The following C11orf65 variants were observed in gnomAD, a reference collection of about 807,000 sequenced individuals.
C11orf65 encodes protein MFI.
In C11orf65, 38 loss-of-function variants were observed where a neutral mutation model predicts 35.3. The ratio of observed to expected loss-of-function variants is 1.08; its 90% CI spans 0.83 to 1.41. The LOEUF (loss-of-function observed/expected upper bound fraction) is 1.41, where lower values mean the gene tolerates loss of function less well. Among genes scored for constraint, C11orf65 ranks in the 40% most tolerant of loss-of-function variants. The pLI is 0.00. For missense variants in C11orf65, 370 were observed against 367.1 expected (o/e 1.01, Z -0.06); for synonymous variants, 105 against 114.4 (o/e 0.92, Z 0.53).
intron 2 of C11orf65, among the ~76,000 whole-genome samples, chr11:108,348,932 A>G (rs1026181342): frequency 5.3e-5 from 8 of 152,146 alleles, no homozygotes; most frequent in African/African-American, 1.9e-4. Flanking sequence ...CATCATCACT[A>G]TTATCCCCCT....
chr11:108,375,033 G>A (rs1189893456), intron 2 of C11orf65, among the ~76,000 whole-genome samples: 3 of 152,184 alleles, frequency 2.0e-5, no homozygotes, highest in Non-Finnish European at 4.4e-5. Context: ...AAAGTGATGG[G>A]GAGAATGGAA....
At chr11:108,362,868 G>A (rs1411061127) in intron 2 of C11orf65, among the ~76,000 whole-genome samples, 1 of 151,320 alleles carries the variant, frequency 6.6e-6, no homozygotes, top group Non-Finnish European at 1.5e-5. Context: ...GTTAGTGGGT[G>A]CAGCGCACCA....
intron 3 of C11orf65, among the ~76,000 whole-genome samples, chr11:108,430,207 A>T (rs1299998236): frequency 6.7e-6 from 1 of 148,624 alleles, no homozygotes; most frequent in Non-Finnish European, 1.5e-5. Context: ...CTGCTCACTG[A>T]AAGCTCCGCC....
chr11:108,407,487 T>A (rs2092564080), intron 3 of C11orf65, among the ~76,000 whole-genome samples: 1 of 147,422 alleles, frequency 6.8e-6, no homozygotes, highest in African/African-American at 2.5e-5. Context: ...AATTTTGTAT[T>A]TTTTTTTTTT....
At position 108,325,521 on chromosome 11, in the gene C11orf65, G is replaced by C. The variant is rs587781674; in HGVS notation, c.641-16450C>G. 1 of 1,610,182 alleles carries C rather than the reference G, an allele frequency of 6.2e-7. No individual in the cohort carries two copies. Among genetic ancestry groups the C allele is most frequent in the African/African-American group, 1.3e-5 (1 of 74,790 alleles). On this transcript the variant is annotated intron_variant, in intron 6 of 6. Coordinates refer to the C11orf65 transcript ENST00000525729. ...ACACCTTGTAGAACTCTCTATACTG[G>C]CCAGAACTTTCAAGAACACTCAGGT...
Position 108,325,639 on chromosome 11 carries a change from GAGAT to G in C11orf65, c.641-16572_641-16569del, listed in dbSNP as rs2085601171. On this transcript the variant is annotated intron_variant, in intron 6 of 6. Coordinates refer to the C11orf65 transcript ENST00000525729. ...CTGAGGGAAAAAGAAATGTCATTAA[GAGAT>G]AGAGATCTCTATTAATATATAGTAA... 5.8e-6 allele frequency: 6 copies of G among 1,041,680 alleles called. No individual in the cohort carries two copies. In the East Asian group the frequency reaches 1.5e-4, roughly 27 times the overall value. 64.5% of individuals were successfully genotyped at this position (1,041,680 alleles called of 1,614,324 possible).
At chr11:108,309,697 T>A (rs970980636) in intron 6 of C11orf65, among the ~76,000 whole-genome samples, 3 of 152,184 alleles carry the variant, frequency 2.0e-5, no homozygotes, top group Non-Finnish European at 2.9e-5. Flanking sequence ...ACCTAGGCAA[T>A]ACATTAAGGA....
At chr11:108,445,518 G>C (rs1385035346) in intron 2 of C11orf65, among the ~76,000 whole-genome samples, 1 of 152,170 alleles carries the variant, frequency 6.6e-6, no homozygotes, top group East Asian at 1.9e-4. Flanking sequence ...ACAGGGTCTG[G>C]AGTGGACCTC....
chr11:108,358,353 C>T (rs1489998419), intron 2 of C11orf65, among the ~76,000 whole-genome samples: 1 of 143,852 alleles, frequency 7.0e-6, no homozygotes, highest in East Asian at 2.1e-4. Context: ...AGAATGGAAC[C>T]AAGTTGGAAA....
At chr11:108,380,182 A>T (rs553041933), downstream of C11orf65, among the ~76,000 whole-genome samples, 5 of 152,316 alleles carry the variant, frequency 3.3e-5, no homozygotes, top group South Asian at 1.0e-3. Flanking sequence ...GAGTTGGCTC[A>T]AGCTAAAACT....
Position 108,335,960 on chromosome 11 carries a change from A to G in C11orf65, c.227-668T>C, listed in dbSNP as rs1555128635. ...AGGAAATTAACTATCTGTACTTATA[A>G]GGTAACTATTTGTACTTCTGTTAGT... On this transcript the variant is annotated intron_variant, in intron 2 of 3. Coordinates refer to the C11orf65 transcript ENST00000524755. 2 of 1,599,028 alleles carry G rather than the reference A, an allele frequency of 1.3e-6. No homozygotes were observed. Among genetic ancestry groups the G allele is most frequent in the Non-Finnish European group, 1.7e-6 (2 of 1,166,388 alleles).
chr11:108,347,688 G>A (rs2088623918), intron 2 of C11orf65, among the ~76,000 whole-genome samples: 1 of 152,128 alleles, frequency 6.6e-6, no homozygotes, highest in African/African-American at 2.4e-5. Context: ...ATTTTAAGAT[G>A]TAGCATGTTG....
intron 2 of C11orf65, among the ~76,000 whole-genome samples, chr11:108,453,450 A>G (rs2093376565): frequency 6.6e-6 from 1 of 152,158 alleles, no homozygotes; most frequent in Admixed American, 6.6e-5. Flanking sequence ...ATTAAAAGAC[A>G]AAGATTATTT....
upstream of C11orf65, among the ~76,000 whole-genome samples, chr11:108,468,627 A>G (rs1565741037): frequency 6.6e-6 from 1 of 152,244 alleles, no homozygotes; most frequent in Non-Finnish European, 1.5e-5. Context: ...TCAGTGACTC[A>G]CTGAACTTCC....
chr11:108,357,566 T>C lies in C11orf65; in HGVS notation c.227-22274A>G, dbSNP rs374489691. Among the ~76,000 whole-genome samples the C allele has an allele frequency of 6.0e-4, 91 of 151,946 alleles. 2 individuals are homozygous for C. In the South Asian group the frequency reaches 7.9e-3, roughly 13 times the overall value. On this transcript the variant is annotated intron_variant, in intron 2 of 3. Transcript: ENST00000524755. ...CCCTGTCTGACAGCTTTGAAGAGAG[T>C]AGTGGTTCTCCCAGCACGCAGCTGG...
intron 6 of C11orf65, chr11:108,315,776 A>T (rs755604182): frequency 6.3e-5 from 93 of 1,485,258 alleles, no homozygotes; most frequent in Non-Finnish European, 8.2e-5. Flanking sequence ...AAATTTATAG[A>T]CCGATTTTTT....
chr11:108,352,073 T>TA (rs2089274438), intron 2 of C11orf65, among the ~76,000 whole-genome samples: 1 of 152,128 alleles, frequency 6.6e-6, no homozygotes, highest in Non-Finnish European at 1.5e-5. Flanking sequence ...TTAAGGAAGA[T>TA]CCTGAGTCTC....
intron 2 of C11orf65, among the ~76,000 whole-genome samples, chr11:108,435,702 T>C (rs1425249608): frequency 2.6e-5 from 4 of 152,228 alleles, no homozygotes; most frequent in African/African-American, 9.6e-5. Flanking sequence ...AAACAGGTAG[T>C]ATCTATGAGT....
At chr11:108,438,536 G>C (rs116293183) in intron 2 of C11orf65, among the ~76,000 whole-genome samples, 486 of 149,118 alleles carry the variant, frequency 3.3e-3, no homozygotes, top group African/African-American at 0.012. Context: ...GGGCAACAAA[G>C]CAAGATTTCG....
Sources: allele counts gnomAD v4.1 joint callset (sites outside exome capture counted in the v4.1 genomes callset), GRCh38; gene constraint gnomAD v4.1.1; transcripts MANE v1.5; gene names NCBI Gene and HGNC (gene_info 2026-07-23, HGNC 2026-07-21).